The following ALMS1 variants were observed in gnomAD, a reference collection of about 807,000 sequenced individuals.
ALMS1 encodes centrosome-associated protein ALMS1.
In ALMS1, 271 loss-of-function variants were observed where a neutral mutation model predicts 352.2. The ratio of observed to expected loss-of-function variants is 0.77; its 90% CI spans 0.70 to 0.85. The LOEUF (loss-of-function observed/expected upper bound fraction) is 0.85, where lower values mean the gene tolerates loss of function less well. Ranked by LOEUF, ALMS1 falls within the 40% of genes least tolerant of loss-of-function variation. The pLI is 0.00. For synonymous variants in ALMS1, 1,865 were observed against 1,761.2 expected, an observed-to-expected ratio of 1.06 and a Z score of -1.48; for missense variants, 5,445 against 4,870.7, an observed-to-expected ratio of 1.12 and a Z score of -3.51.
At position 73,491,328 on chromosome 2, in the gene ALMS1, G is replaced by A; in HGVS notation, c.9369G>A (p.Leu3123=). The stretch of plus-strand genomic sequence containing the variant: ...GTTTTCTAGGACCTAAATCTTCACT[G>A]GATTTCCAAGTCGTACAGCCTTCTC... ...SLGFLGPKSS[L]DFQVVQPSLP... Residue 3123 remains leucine (L), a synonymous_variant, in exon 10 of 23, where the codon CTG becomes CTA. Transcript: ENST00000613296. 1 of 1,614,160 alleles carries A rather than the reference G, an allele frequency of 6.2e-7. No individual in the cohort carries two copies. Among genetic ancestry groups the A allele is most frequent in the Non-Finnish European group, 8.5e-7 (1 of 1,180,022 alleles).
At chr2:73,520,131 G>A (rs1222480684) in intron 11 of ALMS1, 115 bp downstream of exon 11, 2 of 1,317,612 alleles carry the variant, frequency 1.5e-6, no homozygotes, top group Non-Finnish European at 2.2e-6. Flanking sequence ...TTAAGAATTA[G>A]GGTCCATATG....
intron 10 of ALMS1, among the ~76,000 whole-genome samples, chr2:73,505,306 C>T (rs568300523): frequency 2.0e-5 from 3 of 152,186 alleles, no homozygotes; most frequent in Non-Finnish European, 2.9e-5. Context: ...CACTGTCTTC[C>T]ACAATGGTTG....
At chr2:73,570,095 G>A (rs981584909) in intron 15 of ALMS1, among the ~76,000 whole-genome samples, 2 of 152,184 alleles carry the variant, frequency 1.3e-5, no homozygotes, top group African/African-American at 2.4e-5. Context: ...GGAACAGGAA[G>A]AGGAGGGAGT....
intron 2 of ALMS1, among the ~76,000 whole-genome samples, chr2:73,412,415 C>T (rs539683612): frequency 1.4e-4 from 21 of 152,086 alleles, no homozygotes; most frequent in Non-Finnish European, 2.6e-4. Context: ...ATAATTTGTC[C>T]ACTTTAATTT....
intron 18 of ALMS1, 93 bp from the exon 19 acceptor site, chr2:73,601,102 G>T: frequency 6.3e-7 from 1 of 1,591,256 alleles, no homozygotes; most frequent in Non-Finnish European, 8.6e-7. Context: ...AGACCCCTGA[G>T]AACCTGTATT....
chr2:73,573,222 T>G lies in ALMS1; in HGVS notation c.11345T>G (p.Val3782Gly). 1 of 1,613,122 alleles carries G rather than the reference T, an allele frequency of 6.2e-7. No homozygotes were observed. The highest frequency in any genetic ancestry group is 8.5e-7 in the Non-Finnish European group (1 of 1,179,240). The change falls in exon 16 of 23, where the codon GTT becomes GGT. Residue 3782 changes from valine (V) to glycine (G), a missense_variant. Val to Gly is a moderately radical substitution (Grantham distance 109). Transcript: ENST00000613296. ...GCTCTGCACGAAAGGAGTAGCTCTGTTTCCACTATTGACACTGCCCGGCTG... is the reference window on the plus strand; with the variant it reads ...GCTCTGCACGAAAGGAGTAGCTCTGGTTCCACTATTGACACTGCCCGGCTG... ...EVALHERSSS[V>G]STIDTARLIQ...
At position 73,607,810 on chromosome 2, in the gene ALMS1, AT is replaced by A. The variant is rs537392249; in HGVS notation, c.12363-647del. Among the ~76,000 whole-genome samples, 441 of 131,424 alleles carry A rather than the reference AT, an allele frequency of 3.4e-3. 1 individual carries two copies. The highest frequency in any genetic ancestry group is 7.8e-3 in the Middle Eastern group (2 of 256). 86.2% of individuals were successfully genotyped at this position (131,424 alleles called of 152,430 possible). A position where few individuals can be genotyped will look rare whatever the true frequency, so the allele number is the denominator to read the frequency against. On this transcript the variant is annotated intron_variant, in intron 21 of 22. Transcript: ENST00000613296. The stretch of plus-strand genomic sequence containing the variant: ...AGGCATCTGCCACCATGCCCACCTA[AT>A]TTTTTTTTTTTTTTTTTGGTGTGTG...
In ALMS1 at chr2:73,453,235, A is replaced by G; in HGVS notation, c.6708A>G (p.Pro2236=). The change falls in exon 8 of 23, where the codon CCA becomes CCG. Residue 2236 remains proline, a synonymous_variant. Coordinates refer to ENST00000613296, the MANE Select transcript of ALMS1 (RefSeq NM_001378454.1). The part of the protein sequence containing the change: ...QADDRVVINK[P]ESAGFRDVGS... ...ATGACAGAGTTGTAATAAATAAACC[A>G]GAATCTGCAGGTTTTAGAGATGTTG... The G allele has an allele frequency of 6.2e-7, 1 of 1,614,058 alleles. No individual in the cohort carries two copies. Among genetic ancestry groups the G allele is most frequent in the South Asian group, 1.1e-5 (1 of 91,070 alleles).
At chr2:73,421,281 C>CT (rs1671279051) in intron 3 of ALMS1, among the ~76,000 whole-genome samples, 1 of 152,116 alleles carries the variant, frequency 6.6e-6, no homozygotes, top group Admixed American at 6.5e-5. Flanking sequence ...AGGGTTAACT[C>CT]TAATTTTTTT....
intron 9 of ALMS1, among the ~76,000 whole-genome samples, chr2:73,461,897 T>C (rs956572210): frequency 8.6e-5 from 13 of 151,410 alleles, no homozygotes; most frequent in African/African-American, 2.9e-4. Flanking sequence ...AGAAGGGAAG[T>C]TTAGAGAAAA....
At chr2:73,580,273 A>G (rs1172128784) in intron 16 of ALMS1, among the ~76,000 whole-genome samples, 3 of 152,170 alleles carry the variant, frequency 2.0e-5, no homozygotes, top group Non-Finnish European at 4.4e-5. Context: ...CCCTCAGAGT[A>G]CGTAATTTCA....
chr2:73,416,547 A>G (rs951570266), intron 2 of ALMS1, among the ~76,000 whole-genome samples: 5 of 152,190 alleles, frequency 3.3e-5, no homozygotes, highest in African/African-American at 1.2e-4. Context: ...CTCTTCAAAG[A>G]CAAAAGTCTT....
chr2:73,516,024 G>A (rs965073401), intron 10 of ALMS1, among the ~76,000 whole-genome samples: 3 of 151,966 alleles, frequency 2.0e-5, no homozygotes, highest in African/African-American at 7.2e-5. Context: ...TACAGAATGG[G>A]ACAAAATATT....
At chr2:73,429,920 C>A (rs930410345) in intron 6 of ALMS1, among the ~76,000 whole-genome samples, 11 of 152,090 alleles carry the variant, frequency 7.2e-5, no homozygotes, top group Admixed American at 2.0e-4. Context: ...ATCTTTCATT[C>A]TTTCTTCATT....
At chr2:73,455,369 G>A in intron 9 of ALMS1, 74 bp downstream of exon 9, 3 of 1,584,314 alleles carry the variant, frequency 1.9e-6, no homozygotes, top group South Asian at 1.1e-5. Context: ...TCTTACTTGG[G>A]CATCAGTTGA....
intron 11 of ALMS1, among the ~76,000 whole-genome samples, chr2:73,530,890 A>G (rs1673896390): frequency 6.6e-6 from 1 of 152,220 alleles, no homozygotes; most frequent in Non-Finnish European, 1.5e-5. Context: ...CCTTTTAGCC[A>G]CAGGTGGAGC....
intron 1 of ALMS1, 149 bp downstream of exon 1, chr2:73,386,341 T>C: frequency 8.6e-7 from 1 of 1,164,810 alleles, no homozygotes. Context: ...CCAGCCCAGG[T>C]GCCGGCCGGC....
chr2:73,391,777 A>G (rs539180344), intron 1 of ALMS1, among the ~76,000 whole-genome samples: 4 of 152,312 alleles, frequency 2.6e-5, no homozygotes, highest in South Asian at 2.1e-4. Context: ...CTTGACATCA[A>G]TATTATGCCA....
intron 9 of ALMS1, among the ~76,000 whole-genome samples, chr2:73,461,843 G>T (rs1572944915): frequency 6.6e-6 from 1 of 152,326 alleles, no homozygotes; most frequent in East Asian, 1.9e-4. Flanking sequence ...TCAACTGGAA[G>T]AAAGGGTATC....
Sources: allele counts gnomAD v4.1 joint callset (sites outside exome capture counted in the v4.1 genomes callset), GRCh38; gene constraint gnomAD v4.1.1; transcripts MANE v1.5; gene names NCBI Gene and HGNC (gene_info 2026-07-23, HGNC 2026-07-21).